The following CSMD1 variants were observed in gnomAD, a reference collection of about 807,000 sequenced individuals.
CSMD1 encodes CUB and Sushi multiple domains 1, also known as CUB and sushi domain-containing protein 1.
In CSMD1, 213 loss-of-function variants were observed where a neutral mutation model predicts 417.5. The ratio of observed to expected loss-of-function variants is 0.51; its 90% CI spans 0.46 to 0.57. The LOEUF (loss-of-function observed/expected upper bound fraction) is 0.57. CSMD1 is among the 20% of genes least tolerant of loss of function. CSMD1 has a pLI of 0.00. For missense variants in CSMD1, 6,923 were observed against 4,529.7 expected, an observed-to-expected ratio of 1.53 and a Z score of -15.17; for synonymous variants, 2,862 against 1,736.8, an observed-to-expected ratio of 1.65 and a Z score of -16.11.
At chr8:4,186,763 G>C (rs1798701736) in intron 3 of CSMD1, among the ~76,000 whole-genome samples, 1 of 151,690 alleles carries the variant, frequency 6.6e-6, no homozygotes, top group African/African-American at 2.4e-5. Context: ...GAGGCGGGTG[G>C]ATCACTTGAG....
chr8:3,719,391 T>A (rs930964366), intron 6 of CSMD1, among the ~76,000 whole-genome samples: 4 of 152,182 alleles, frequency 2.6e-5, no homozygotes, highest in Non-Finnish European at 4.4e-5. Context: ...AAGAAGGGCT[T>A]GAATTAACTA....
chr8:3,681,884 C>T (rs1183807620), intron 7 of CSMD1, among the ~76,000 whole-genome samples: 1 of 152,082 alleles, frequency 6.6e-6, no homozygotes, highest in African/African-American at 2.4e-5. Flanking sequence ...AGAAATAATA[C>T]CACACATCTA....
chr8:2,992,345 C>T (rs186961981), intron 54 of CSMD1, among the ~76,000 whole-genome samples: 8 of 152,148 alleles, frequency 5.3e-5, no homozygotes, highest in African/African-American at 1.9e-4. Flanking sequence ...GATGGTTGCA[C>T]AACATGGTCA....
intron 3 of CSMD1, among the ~76,000 whole-genome samples, chr8:4,351,949 A>ATTTTT (rs33935906): frequency 9.9e-5 from 14 of 141,698 alleles, no homozygotes; most frequent in East Asian, 2.1e-4. Flanking sequence ...CCTTTATGCT[A>ATTTTT]TTTTTTTTTT....
chr8:4,135,181 G>C (rs976860743), intron 3 of CSMD1, among the ~76,000 whole-genome samples: 1 of 152,126 alleles, frequency 6.6e-6, no homozygotes, highest in Non-Finnish European at 1.5e-5. Flanking sequence ...CATTAGACAG[G>C]CTTCCATTTA....
intron 5 of CSMD1, among the ~76,000 whole-genome samples, chr8:3,987,845 C>T (rs1006823738): frequency 2.6e-5 from 4 of 152,150 alleles, no homozygotes; most frequent in Non-Finnish European, 5.9e-5. Flanking sequence ...TGACAGCCTG[C>T]CAAAAAGAAA....
At chr8:3,958,797 TTATC>T (rs1812137332) in intron 5 of CSMD1, among the ~76,000 whole-genome samples, 1 of 152,226 alleles carries the variant, frequency 6.6e-6, no homozygotes, top group Admixed American at 6.5e-5. Flanking sequence ...CATTATGGCT[TTATC>T]TATGATACAC....
At chr8:3,426,698 C>G (rs1212335858) in intron 12 of CSMD1, among the ~76,000 whole-genome samples, 1 of 152,194 alleles carries the variant, frequency 6.6e-6, no homozygotes, top group Non-Finnish European at 1.5e-5. Flanking sequence ...TTACAAACCA[C>G]TAAGTCAAAT....
rs555261449 is a variant in CSMD1, at chr8:3,185,880, A to G, written c.5620+1989T>C. On this transcript the variant is annotated intron_variant, in intron 36 of 69. Coordinates refer to ENST00000635120, the MANE Select transcript of CSMD1 (RefSeq NM_033225.6). The stretch of plus-strand genomic sequence containing the variant: ...ACTTTACTTAAAAATGAGCAACACA[A>G]TTCAATATCTGAGTGTAGAGAAACA... Among the ~76,000 whole-genome samples the G allele has an allele frequency of 6.3e-4, 96 of 152,330 alleles. 1 individual carries two copies. Among genetic ancestry groups the G allele is most frequent in the African/African-American group, 2.3e-3 (94 of 41,580 alleles).
chr8:4,826,391 C>T (rs975893263), intron 1 of CSMD1, among the ~76,000 whole-genome samples: 5 of 152,046 alleles, frequency 3.3e-5, no homozygotes, highest in Admixed American at 2.0e-4. Context: ...CCTGCATATG[C>T]AACAGCATGG....
At chr8:3,838,843 A>G (rs1160695083) in intron 5 of CSMD1, among the ~76,000 whole-genome samples, 1 of 121,264 alleles carries the variant, frequency 8.2e-6, no homozygotes, top group African/African-American at 3.4e-5. Context: ...TATTAATTAT[A>G]TATACTATTA....
chr8:3,189,245 A>T (rs1338505475), intron 34 of CSMD1, among the ~76,000 whole-genome samples: 1 of 152,246 alleles, frequency 6.6e-6, no homozygotes, highest in Non-Finnish European at 1.5e-5. Flanking sequence ...AAATAAATCT[A>T]TCCAAGTTCT....
In CSMD1 at chr8:4,147,404, C is replaced by A. The variant is rs1351535427; in HGVS notation, c.416-115305G>T. Among the ~76,000 whole-genome samples the A allele has an allele frequency of 2.6e-5, 4 of 152,208 alleles. No homozygotes were observed. The East Asian group carries it at 5.8e-4, about 22-fold the overall frequency. On this transcript the variant is annotated intron_variant, in intron 3 of 69. Coordinates refer to ENST00000635120, the MANE Select transcript of CSMD1 (RefSeq NM_033225.6). The stretch of plus-strand genomic sequence containing the variant: ...TCCTCCACACTGCCTTCCCCACATG[C>A]TGCCCTGTCTAGAATGGCTTTTCCA...
At position 4,426,051 on chromosome 8, in the gene CSMD1, C is replaced by T. The variant is rs182090729; in HGVS notation, c.303-5986G>A. On this transcript the variant is annotated intron_variant, in intron 2 of 69. Coordinates refer to ENST00000635120, the MANE Select transcript of CSMD1 (RefSeq NM_033225.6). ...ATCTCCAAGGGATTATGAAATTTTA[C>T]TGAAGAAAACTGGCCATAAATAAAA... Among the ~76,000 whole-genome samples the T allele has an allele frequency of 3.0e-3, 446 of 150,172 alleles. 2 individuals are homozygous for T. Among genetic ancestry groups the T allele is most frequent in the African/African-American group, 9.8e-3 (398 of 40,746 alleles).
At chr8:4,935,492 C>T (rs980062988) in intron 1 of CSMD1, among the ~76,000 whole-genome samples, 1 of 152,190 alleles carries the variant, frequency 6.6e-6, no homozygotes, top group Non-Finnish European at 1.5e-5. Context: ...AGTGTGAATC[C>T]ATTAAGCCAT....
intron 11 of CSMD1, among the ~76,000 whole-genome samples, chr8:3,492,316 G>A (rs142879685): frequency 8.5e-5 from 13 of 152,228 alleles, no homozygotes; most frequent in African/African-American, 2.4e-4. Context: ...CTCAGAAGCC[G>A]CCCATGGCTC....
At chr8:3,437,734 G>C (rs113942881) in intron 12 of CSMD1, among the ~76,000 whole-genome samples, 2,312 of 148,028 alleles carry the variant, frequency 0.016, 70 homozygotes, top group African/African-American at 0.055. Context: ...CACTATAGAT[G>C]CAGCTAATTG....
chr8:3,386,977 G>A (rs918276574), intron 18 of CSMD1, among the ~76,000 whole-genome samples: 2 of 152,158 alleles, frequency 1.3e-5, no homozygotes, highest in East Asian at 3.9e-4. Context: ...GAGAAGATTT[G>A]TGTAGGACAA....
chr8:3,470,540 A>C (rs924851930), intron 11 of CSMD1, among the ~76,000 whole-genome samples: 1 of 152,166 alleles, frequency 6.6e-6, no homozygotes, highest in Non-Finnish European at 1.5e-5. Context: ...TTTTGTATGT[A>C]CATTTGTGCA....
Sources: gnomAD v4.1 joint callset for allele counts (sites outside exome capture counted in the v4.1 genomes callset) on GRCh38, gnomAD v4.1.1 for gene constraint, MANE v1.5 for transcripts, NCBI Gene and HGNC (gene_info 2026-07-23, HGNC 2026-07-21) for gene names.